TACR1: variants seen among roughly 807,000 people sequenced by gnomAD.
TACR1 encodes tachykinin receptor 1.
TACR1 carries 25 observed loss-of-function variants against 35.8 expected under a neutral mutation model. That is an observed-to-expected ratio of 0.70 (90% CI 0.51 to 0.98). TACR1 has a LOEUF of 0.98. Among genes scored for constraint, TACR1 ranks in the 50% least tolerant of loss-of-function variants. The pLI is 0.00. For missense variants in TACR1, 478 were observed against 522.9 expected (o/e 0.91, Z 0.84); for synonymous variants, 195 against 206.7 (o/e 0.94, Z 0.48).
At chr2:75,098,921 T>TC (rs1673476674) in intron 2 of TACR1, among the ~76,000 whole-genome samples, 1 of 151,964 alleles carries the variant, frequency 6.6e-6, no homozygotes, top group African/African-American at 2.4e-5. Context: ...GCTTTTTTTT[T>TC]TTTTCTTTTC....
chr2:75,147,968 G>A (rs1244774282), intron 1 of TACR1, among the ~76,000 whole-genome samples: 1 of 151,836 alleles, frequency 6.6e-6, no homozygotes, highest in African/African-American at 2.4e-5. Context: ...GGATGGTCTT[G>A]ATCTCCTGAC....
At chr2:75,149,841 GTTTTTGCCCATTCAGTATGATAT>G (rs1204200528) in intron 1 of TACR1, among the ~76,000 whole-genome samples, 45 of 152,250 alleles carry the variant, frequency 3.0e-4, no homozygotes, top group African/African-American at 1.0e-3. Context: ...AATGTTTCCA[GTTTTTGCCCATTCAGTATGATAT>G]TAGCTGTGGG....
intron 1 of TACR1, among the ~76,000 whole-genome samples, chr2:75,194,392 TC>T (rs1241647605): frequency 6.6e-6 from 1 of 152,160 alleles, no homozygotes; most frequent in Non-Finnish European, 1.5e-5. Flanking sequence ...TCCAGGGCCA[TC>T]CGAATTAGTG....
chr2:75,076,531 A>G (rs2103824689), intron 2 of TACR1, among the ~76,000 whole-genome samples: 1 of 152,330 alleles, frequency 6.6e-6, no homozygotes. Context: ...GCGGGCTGAC[A>G]CTAACAGGAC....
chr2:75,074,412 T>C (rs189331212), intron 2 of TACR1, among the ~76,000 whole-genome samples: 36 of 152,280 alleles, frequency 2.4e-4, no homozygotes, highest in Non-Finnish European at 4.7e-4. Context: ...TTGTAGGGAA[T>C]GCAGAGCTCA....
chr2:75,107,128 G>A (rs941579194), intron 2 of TACR1, among the ~76,000 whole-genome samples: 1 of 151,900 alleles, frequency 6.6e-6, no homozygotes, highest in Admixed American at 6.6e-5. Flanking sequence ...AGGAAGTAGT[G>A]TTAATGGCAA....
At chr2:75,164,832 G>T (rs1463741821) in intron 1 of TACR1, among the ~76,000 whole-genome samples, 1 of 152,146 alleles carries the variant, frequency 6.6e-6, no homozygotes, top group African/African-American at 2.4e-5. Context: ...CTCTGCAGAG[G>T]TTGCTAACAA....
chr2:75,065,525 C>T (rs115374452), intron 2 of TACR1, among the ~76,000 whole-genome samples: 1 of 152,260 alleles, frequency 6.6e-6, no homozygotes, highest in African/African-American at 2.4e-5. Context: ...CTGAGTATCG[C>T]ATCGCCGCAG....
At chr2:75,060,531 G>A (rs999822258) in intron 2 of TACR1, among the ~76,000 whole-genome samples, 1 of 152,140 alleles carries the variant, frequency 6.6e-6, no homozygotes, top group Admixed American at 6.5e-5. Context: ...GATGCCATTA[G>A]AACTGAAAAG....
intron 2 of TACR1, among the ~76,000 whole-genome samples, chr2:75,116,507 G>A (rs1047220092): frequency 6.6e-6 from 1 of 152,210 alleles, no homozygotes; most frequent in Non-Finnish European, 1.5e-5. Flanking sequence ...CATTATGTTT[G>A]ATGTCATTGA....
chr2:75,190,800 C>G (rs1675824352), intron 1 of TACR1, among the ~76,000 whole-genome samples: 1 of 152,296 alleles, frequency 6.6e-6, no homozygotes, highest in East Asian at 1.9e-4. Flanking sequence ...GGGCTCTTTC[C>G]TAACCATTCT....
intron 1 of TACR1, among the ~76,000 whole-genome samples, chr2:75,182,170 A>G (rs1675574674): frequency 6.6e-6 from 1 of 152,174 alleles, no homozygotes; most frequent in African/African-American, 2.4e-5. Flanking sequence ...AAGAAAGGGG[A>G]AAGCTAAGAG....
At chr2:75,091,098 A>C (rs949046429) in intron 2 of TACR1, among the ~76,000 whole-genome samples, 5 of 147,680 alleles carry the variant, frequency 3.4e-5, no homozygotes, top group Non-Finnish European at 1.5e-5. Flanking sequence ...CATCAATTCT[A>C]CCTCCTTCTG....
intron 1 of TACR1, among the ~76,000 whole-genome samples, chr2:75,141,444 T>C (rs1674402515): frequency 1.3e-5 from 2 of 152,022 alleles, no homozygotes; most frequent in Admixed American, 1.3e-4. Flanking sequence ...GGAAGCTATG[T>C]AGACTCTGGA....
chr2:75,194,731 T>G (rs1280625178), intron 1 of TACR1, among the ~76,000 whole-genome samples: 1 of 152,202 alleles, frequency 6.6e-6, no homozygotes, highest in Non-Finnish European at 1.5e-5. Flanking sequence ...TTTTTTGGTC[T>G]CAGAGAGACC....
chr2:75,140,431 T>G (rs1370161710), intron 1 of TACR1, among the ~76,000 whole-genome samples: 9 of 152,128 alleles, frequency 5.9e-5, no homozygotes. Flanking sequence ...GCAGATCATG[T>G]GAGGCATGTG....
intron 2 of TACR1, among the ~76,000 whole-genome samples, chr2:75,081,317 C>T (rs767153364): frequency 2.0e-5 from 3 of 152,182 alleles, no homozygotes; most frequent in Non-Finnish European, 2.9e-5. Context: ...TCCTGTGATA[C>T]AGGGGTCCCA....
chr2:75,062,525 A>T (rs1349737598), intron 2 of TACR1, among the ~76,000 whole-genome samples: 1 of 152,140 alleles, frequency 6.6e-6, no homozygotes, highest in East Asian at 1.9e-4. Context: ...TATTGCATGG[A>T]GGTACCATAG....
At chr2:75,088,542 A>G (rs954731742) in intron 2 of TACR1, among the ~76,000 whole-genome samples, 2 of 152,186 alleles carry the variant, frequency 1.3e-5, no homozygotes, top group African/African-American at 2.4e-5. Context: ...CCAGGGTTAG[A>G]GACTCAATAA....
Sources: gnomAD v4.1 joint callset for allele counts (sites outside exome capture counted in the v4.1 genomes callset) on GRCh38, gnomAD v4.1.1 for gene constraint, MANE v1.5 for transcripts, NCBI Gene and HGNC (gene_info 2026-07-23, HGNC 2026-07-21) for gene names.